ZNF254: variants seen among roughly 807,000 people sequenced by gnomAD.
ZNF254 encodes the protein zinc finger protein 254.
A neutral mutation model predicts 12.4 loss-of-function variants in ZNF254; 10 were observed. The observed-to-expected ratio is 0.80, with a 90% confidence interval of 0.50 to 1.36. ZNF254 has a LOEUF of 1.36. Among genes scored for constraint, ZNF254 ranks in the 40% most tolerant of loss-of-function variants. The pLI is 0.00. For missense variants in ZNF254, 996 were observed against 763.9 expected (o/e 1.30, Z -3.58); for synonymous variants, 305 against 253.4 (o/e 1.20, Z -1.93).
At chr19:24,035,130 A>C (rs1969917606) in intron 1 of ZNF254, among the ~76,000 whole-genome samples, 1 of 152,136 alleles carries the variant, frequency 6.6e-6, no homozygotes, top group Admixed American at 6.5e-5. Flanking sequence ...TAGATTAGGG[A>C]ATATTTTACC....
chr19:24,106,988 T>C, intron 3 of ZNF254: 1 of 444,468 alleles, frequency 2.2e-6, no homozygotes, highest in Non-Finnish European at 3.9e-6. Flanking sequence ...TAAACTGTTT[T>C]TTAAGTTCTC....
intron 2 of ZNF254, among the ~76,000 whole-genome samples, chr19:24,052,954 T>A (rs1970703857): frequency 1.3e-5 from 2 of 152,182 alleles, no homozygotes; most frequent in Non-Finnish European, 1.5e-5. Context: ...CTCTGTCACA[T>A]ACTGTGTAAA....
At chr19:24,093,947 C>T (rs1032940410) in intron 1 of ZNF254, among the ~76,000 whole-genome samples, 1 of 152,058 alleles carries the variant, frequency 6.6e-6, no homozygotes, top group Non-Finnish European at 1.5e-5. Flanking sequence ...TGTGCCATTT[C>T]TGACTTCTTT....
At chr19:24,064,264 C>T (rs1000755060) in intron 2 of ZNF254, among the ~76,000 whole-genome samples, 2 of 152,134 alleles carry the variant, frequency 1.3e-5, no homozygotes, top group Non-Finnish European at 2.9e-5. Context: ...GGCTGTGTCT[C>T]TCCTTTCTAA....
upstream of ZNF254, among the ~76,000 whole-genome samples, chr19:24,084,696 G>T (rs1007571551): frequency 6.6e-6 from 1 of 151,340 alleles, no homozygotes; most frequent in Admixed American, 6.6e-5. Flanking sequence ...GGCTTAATCA[G>T]GGCTCATTGC....
In ZNF254 at chr19:24,126,250, TCAGG is replaced by T. The variant is rs1974825602; in HGVS notation, c.254-3_254del. 1 of 1,433,542 alleles carries T rather than the reference TCAGG, an allele frequency of 7.0e-7. No homozygotes were observed. The highest frequency in any genetic ancestry group is 1.4e-5 in the African/African-American group (1 of 69,214). The allele number at this position is 1,433,542 out of a possible 1,614,324, so 88.8% of individuals were successfully genotyped here. A position where few individuals can be genotyped will look rare whatever the true frequency, so the allele number is the denominator to read the frequency against. On this transcript the variant is annotated splice_acceptor_variant and splice_polypyrimidine_tract_variant and coding_sequence_variant and intron_variant, in exon 4 of 4. Transcript: ENST00000357002. LOFTEE classifies it high-confidence loss of function. ...TAATTTATTTATTTTTATTTTTTTT[TCAGG>T]TATGTGTCCTCATTTTGCTCAAGAC...
At chr19:24,100,517 C>G (rs919182313) in intron 1 of ZNF254, among the ~76,000 whole-genome samples, 2 of 152,096 alleles carry the variant, frequency 1.3e-5, no homozygotes, top group African/African-American at 4.8e-5. Flanking sequence ...ATGTATTCAT[C>G]TCTTGACATT....
intron 3 of ZNF254, among the ~76,000 whole-genome samples, chr19:24,113,042 G>C (rs917087423): frequency 2.0e-5 from 3 of 152,270 alleles, no homozygotes; most frequent in Non-Finnish European, 4.4e-5. Context: ...ATAATCAAGA[G>C]CTTACCAATG....
chr19:24,121,444 A>G lies in ZNF254; in HGVS notation c.254-4810A>G, dbSNP rs137926629. Among the ~76,000 whole-genome samples the G allele has an allele frequency of 2.9e-3, 440 of 152,344 alleles. 6 individuals are homozygous for G. The highest frequency in any genetic ancestry group is 9.9e-3 in the African/African-American group (413 of 41,584). On this transcript the variant is annotated intron_variant, in intron 3 of 3. Transcript: ENST00000357002. Reference sequence around the variant, plus strand: ...GTATATATCATAATTGTGCATGACAATATTTAACTTTGTACAATTTAAGAC... The same window carrying G: ...GTATATATCATAATTGTGCATGACAGTATTTAACTTTGTACAATTTAAGAC...
chr19:24,071,606 C>G (rs1048921947), intron 2 of ZNF254, among the ~76,000 whole-genome samples: 2 of 152,120 alleles, frequency 1.3e-5, no homozygotes, highest in Admixed American at 6.5e-5. Context: ...CTGCATGGAC[C>G]CTTCATTTTT....
rs184944819 is a variant in ZNF254 at position 24,044,327 on chromosome 19, A to G, written c.-189-1857A>G. Among the ~76,000 whole-genome samples the G allele has an allele frequency of 1.2e-3, 182 of 152,124 alleles. 5 individuals carry two copies. The East Asian group carries it at 0.034, about 28-fold the overall frequency. On this transcript the variant is annotated intron_variant, in intron 1 of 4. Coordinates refer to the ZNF254 transcript ENST00000613065. ...GCCGAGGCGGGTGGATCACGAGGTC[A>G]GGAGATTGAGACCATCCTGGCTAAC...
chr19:24,082,758 T>A (rs373151239), upstream of ZNF254, among the ~76,000 whole-genome samples: 14 of 151,528 alleles, frequency 9.2e-5, no homozygotes, highest in East Asian at 1.4e-3. Context: ...TCTCAGAACC[T>A]CCTGAGAGCT....
intron 3 of ZNF254, among the ~76,000 whole-genome samples, chr19:24,115,391 TG>T (rs1288426794): frequency 6.6e-6 from 1 of 152,072 alleles, no homozygotes; most frequent in East Asian, 1.9e-4. Flanking sequence ...TGGATGAAAT[TG>T]GAAATCATCA....
At chr19:24,062,355 T>G (rs1470287605) in intron 2 of ZNF254, among the ~76,000 whole-genome samples, 1 of 152,194 alleles carries the variant, frequency 6.6e-6, no homozygotes, top group African/African-American at 2.4e-5. Flanking sequence ...CAGTCCATAC[T>G]TAAAATTGTG....
At chr19:24,088,459 T>C (rs1972164097) in intron 1 of ZNF254, among the ~76,000 whole-genome samples, 1 of 151,958 alleles carries the variant, frequency 6.6e-6, no homozygotes. Flanking sequence ...AATTTTCACA[T>C]GTATCCCAAG....
At chr19:24,062,575 A>G (rs899144354) in intron 2 of ZNF254, among the ~76,000 whole-genome samples, 9 of 150,904 alleles carry the variant, frequency 6.0e-5, no homozygotes, top group African/African-American at 1.7e-4. Context: ...GTGTCCTGAC[A>G]GAGAGAAGCA....
chr19:24,078,171 G>A (rs1971725072), intron 2 of ZNF254, among the ~76,000 whole-genome samples: 1 of 152,170 alleles, frequency 6.6e-6, no homozygotes, highest in Admixed American at 6.6e-5. Context: ...CCACATAGTT[G>A]GAATTACAGG....
intron 1 of ZNF254, among the ~76,000 whole-genome samples, chr19:24,101,567 C>T (rs915948892): frequency 9.2e-5 from 14 of 152,198 alleles, no homozygotes; most frequent in Admixed American, 9.2e-4. Context: ...GAGCTCTGAG[C>T]ACAAGTATAC....
At chr19:24,059,408 G>T (rs1291964006) in intron 2 of ZNF254, among the ~76,000 whole-genome samples, 1 of 152,188 alleles carries the variant, frequency 6.6e-6, no homozygotes, top group Non-Finnish European at 1.5e-5. Flanking sequence ...AGGTGTGATT[G>T]TGACACACAG....
Sources: gnomAD v4.1 joint callset for allele counts (sites outside exome capture counted in the v4.1 genomes callset) on GRCh38, gnomAD v4.1.1 for gene constraint, MANE v1.5 for transcripts, NCBI Gene and HGNC (gene_info 2026-07-23, HGNC 2026-07-21) for gene names.